Variants in SPATA6 observed in about 807,000 individuals in gnomAD.
SPATA6 encodes the protein spermatogenesis associated 6, also known as spermatogenesis-associated protein 6.
Under a neutral mutation model 65.3 loss-of-function variants are expected in SPATA6, and 56 were observed. That is an observed-to-expected ratio of 0.86 (90% CI 0.69 to 1.07). The LOEUF is 1.07. SPATA6 is among the 50% of genes least tolerant of loss of function. SPATA6 has a pLI of 0.00. For missense variants in SPATA6, 590 were observed against 594.8 expected, an observed-to-expected ratio of 0.99 and a Z score of 0.08; for synonymous variants, 199 against 213.2, an observed-to-expected ratio of 0.93 and a Z score of 0.58.
chr1:48,376,334 G>C (rs991434128), intron 9 of SPATA6, among the ~76,000 whole-genome samples: 1 of 152,090 alleles, frequency 6.6e-6, no homozygotes, highest in South Asian at 2.1e-4. Context: ...GCCTAAACAA[G>C]ATAAACAGGA....
intron 8 of SPATA6, among the ~76,000 whole-genome samples, chr1:48,394,788 A>C (rs1000224819): frequency 5.9e-5 from 9 of 152,048 alleles, no homozygotes; most frequent in Admixed American, 3.3e-4. Flanking sequence ...ATTAACACTC[A>C]ATACCCTTAA....
intron 5 of SPATA6, among the ~76,000 whole-genome samples, chr1:48,405,850 C>G (rs1467773539): frequency 6.6e-6 from 1 of 152,068 alleles, no homozygotes; most frequent in Non-Finnish European, 1.5e-5. Flanking sequence ...TCTCTGACCA[C>G]AAATTACTTA....
the SPATA6 span, among the ~76,000 whole-genome samples, chr1:48,279,709 T>A: frequency 6.6e-6 from 1 of 152,104 alleles, no homozygotes; most frequent in Non-Finnish European, 1.5e-5. Flanking sequence ...ACAAAGAGAC[T>A]TAGACTCCCA....
intron 5 of SPATA6, among the ~76,000 whole-genome samples, chr1:48,405,455 TG>T (rs1651611922): frequency 6.6e-6 from 1 of 152,210 alleles, no homozygotes; most frequent in Admixed American, 6.5e-5. Flanking sequence ...GTGGTCAAGA[TG>T]TCATTTAGGC....
At chr1:48,453,230 G>T in intron 1 of SPATA6, 99 bp from the exon 2 acceptor site, 1 of 1,258,206 alleles carries the variant, frequency 7.9e-7, no homozygotes, top group Non-Finnish European at 1.1e-6. Flanking sequence ...ACATTAGTCT[G>T]GTAATCTAAT....
At chr1:48,422,396 A>C (rs1285662420) in intron 3 of SPATA6, among the ~76,000 whole-genome samples, 1 of 152,176 alleles carries the variant, frequency 6.6e-6, no homozygotes, top group Non-Finnish European at 1.5e-5. Flanking sequence ...AAAGACTGGA[A>C]AAGCTGAGCT....
chr1:48,379,206 G>A (rs1648267304), intron 9 of SPATA6, among the ~76,000 whole-genome samples: 1 of 152,158 alleles, frequency 6.6e-6, no homozygotes, highest in Admixed American at 6.5e-5. Flanking sequence ...GAGAGAGCAA[G>A]CAACAGTGGG....
At chr1:48,413,727 C>T (rs1459532299) in intron 3 of SPATA6, among the ~76,000 whole-genome samples, 1 of 152,032 alleles carries the variant, frequency 6.6e-6, no homozygotes, top group Non-Finnish European at 1.5e-5. Context: ...ATCAAAAATC[C>T]ATGTATAATT....
chr1:48,313,567 C>G (rs1317675299), intron 11 of SPATA6, among the ~76,000 whole-genome samples: 1 of 152,196 alleles, frequency 6.6e-6, no homozygotes, highest in African/African-American at 2.4e-5. Flanking sequence ...AAAGGAACAA[C>G]TGGTACCAGC....
rs1204690463 is a variant in SPATA6 at position 48,296,205 on chromosome 1, G to A, written c.*2508C>T. On this transcript the variant is annotated 3_prime_UTR_variant, in exon 13 of 13. Transcript: ENST00000371847. Reference sequence around the variant, plus strand: ...TAAACAACTGCACCTTTCTGCTCCTGTGAATGAGAAAAGACAACTATTAGT... The same window carrying A: ...TAAACAACTGCACCTTTCTGCTCCTATGAATGAGAAAAGACAACTATTAGT... 1 of 150,872 alleles carries A rather than the reference G, an allele frequency of 6.6e-6. No individual in the cohort carries two copies. Among genetic ancestry groups the A allele is most frequent in the East Asian group, 1.9e-4 (1 of 5,168 alleles). 9.3% of individuals were successfully genotyped at this position (150,872 alleles called of 1,614,324 possible).
At chr1:48,453,157 G>GT (rs1656730159) in intron 1 of SPATA6, 26 bp from the exon 2 acceptor site, 1 of 1,596,796 alleles carries the variant, frequency 6.3e-7, no homozygotes, top group African/African-American at 1.4e-5. Context: ...TAAAATGGAT[G>GT]TAACTGCTTT....
intron 5 of SPATA6, 72 bp from the exon 6 acceptor site, chr1:48,403,954 G>T: frequency 1.8e-6 from 2 of 1,104,876 alleles, no homozygotes; most frequent in Admixed American, 2.6e-5. Flanking sequence ...ATAAGAATAT[G>T]ACCTAAAGTA....
intron 3 of SPATA6, among the ~76,000 whole-genome samples, chr1:48,432,446 C>A (rs1252894571): frequency 1.3e-5 from 2 of 149,546 alleles, no homozygotes; most frequent in Non-Finnish European, 1.5e-5. Flanking sequence ...AAAACGAAAC[C>A]AAAAAAAAAT....
intron 11 of SPATA6, among the ~76,000 whole-genome samples, chr1:48,351,970 T>C (rs1216942853): frequency 6.6e-6 from 1 of 152,066 alleles, no homozygotes; most frequent in Non-Finnish European, 1.5e-5. Context: ...CCAGTAATAT[T>C]ATTTCATCTT....
chr1:48,463,945 T>A (rs1433138724), intron 1 of SPATA6, among the ~76,000 whole-genome samples: 1 of 147,246 alleles, frequency 6.8e-6, no homozygotes, highest in South Asian at 2.2e-4. Context: ...CATCAAAAAG[T>A]GTCATTTTTT....
chr1:48,469,809 T>TGGG (rs559501738), intron 1 of SPATA6, among the ~76,000 whole-genome samples: 31 of 144,490 alleles, frequency 2.1e-4, no homozygotes, highest in African/African-American at 7.7e-4. Context: ...GTTTTTTTTG[T>TGGG]GGGGGGGGCG....
At chr1:48,286,351 T>A in the SPATA6 span, among the ~76,000 whole-genome samples, 7 of 152,198 alleles carry the variant, frequency 4.6e-5, no homozygotes, top group African/African-American at 1.7e-4. Context: ...CTTTCATCAA[T>A]GTTTTATGAT....
At chr1:48,422,527 A>G (rs960917068) in intron 3 of SPATA6, among the ~76,000 whole-genome samples, 1 of 152,188 alleles carries the variant, frequency 6.6e-6, no homozygotes, top group African/African-American at 2.4e-5. Flanking sequence ...GATCATAGGA[A>G]TAAGGATTAA....
chr1:48,330,066 T>C (rs1185416161), intron 11 of SPATA6, among the ~76,000 whole-genome samples: 1 of 152,148 alleles, frequency 6.6e-6, no homozygotes, highest in African/African-American at 2.4e-5. Flanking sequence ...CAGGGAGCAG[T>C]AACATTGCTC....
Sources: allele counts gnomAD v4.1 joint callset (sites outside exome capture counted in the v4.1 genomes callset), GRCh38; gene constraint gnomAD v4.1.1; transcripts MANE v1.5; gene names NCBI Gene and HGNC (gene_info 2026-07-23, HGNC 2026-07-21).